NRG3: variants seen among roughly 807,000 people sequenced by gnomAD.
The protein encoded by NRG3 is neuregulin 3.
In NRG3, 31 loss-of-function variants were observed where a neutral mutation model predicts 66.9. That is an observed-to-expected ratio of 0.46 (90% CI 0.35 to 0.63). NRG3 has a LOEUF of 0.63. NRG3 is among the 20% of genes least tolerant of loss of function. NRG3 has a pLI of 0.00. For synonymous variants in NRG3, 393 were observed against 359.4 expected, an observed-to-expected ratio of 1.09 and a Z score of -1.06; for missense variants, 910 against 878.9, an observed-to-expected ratio of 1.04 and a Z score of -0.45.
intron 2 of NRG3, among the ~76,000 whole-genome samples, chr10:82,652,098 T>C (rs1191962094): frequency 2.6e-5 from 4 of 152,158 alleles, no homozygotes; most frequent in Non-Finnish European, 5.9e-5. Flanking sequence ...GATCTGCCCC[T>C]GGTGGGAGGA....
At chr10:82,748,074 C>T (rs1273184315) in intron 3 of NRG3, among the ~76,000 whole-genome samples, 1 of 150,994 alleles carries the variant, frequency 6.6e-6, no homozygotes, top group Non-Finnish European at 1.5e-5. Flanking sequence ...TATAATTACA[C>T]ATATTTGGTG....
chr10:82,157,120 T>C (rs1392362341), intron 1 of NRG3, among the ~76,000 whole-genome samples: 1 of 151,680 alleles, frequency 6.6e-6, no homozygotes, highest in Non-Finnish European at 1.5e-5. Context: ...TTAAGCATTG[T>C]TAAATCCATT....
intron 1 of NRG3, among the ~76,000 whole-genome samples, chr10:82,196,381 C>A (rs1323270962): frequency 6.6e-6 from 1 of 152,086 alleles, no homozygotes; most frequent in Admixed American, 6.5e-5. Flanking sequence ...TATAAATTTC[C>A]TTGTAAGATC....
At chr10:82,440,252 T>A (rs1459211424) in intron 2 of NRG3, among the ~76,000 whole-genome samples, 1 of 151,978 alleles carries the variant, frequency 6.6e-6, no homozygotes, top group Non-Finnish European at 1.5e-5. Flanking sequence ...TTTGAAATTT[T>A]TGTAAATATC....
intron 2 of NRG3, among the ~76,000 whole-genome samples, chr10:82,700,332 C>G (rs1322954112): frequency 6.6e-6 from 1 of 152,120 alleles, no homozygotes; most frequent in Non-Finnish European, 1.5e-5. Flanking sequence ...TGGAAAGCAC[C>G]TATACCAAAC....
In NRG3 at chr10:82,392,004, A is replaced by C. The variant is rs532974600; in HGVS notation, c.953+33136A>C. 8.7e-5 allele frequency among the ~76,000 whole-genome samples: 13 copies of C among 148,954 alleles called. No homozygotes were observed. The South Asian group carries it at 1.0e-3, about 12-fold the overall frequency. Reference sequence around the variant, plus strand: ...CTTTCGAGCACATGCAAAAAAAAAAAAAAAAACAAAAAAAAAACCCACGAA... The same window carrying C: ...CTTTCGAGCACATGCAAAAAAAAAACAAAAAACAAAAAAAAAACCCACGAA... On this transcript the variant is annotated intron_variant, in intron 2 of 8. Coordinates refer to ENST00000372141, the MANE Select transcript of NRG3 (RefSeq NM_001010848.4).
chr10:82,863,205 A>AATT (rs1317329074), intron 3 of NRG3, among the ~76,000 whole-genome samples: 157 of 152,074 alleles, frequency 1.0e-3, no homozygotes, highest in African/African-American at 3.6e-3. Flanking sequence ...CTTTTTTATG[A>AATT]CTGCATAGTA....
intron 1 of NRG3, among the ~76,000 whole-genome samples, chr10:82,126,859 G>T (rs1013435208): frequency 6.6e-6 from 1 of 152,048 alleles, no homozygotes; most frequent in African/African-American, 2.4e-5. Flanking sequence ...GGCCTATTTT[G>T]CTGGTTCATA....
At chr10:82,855,514 C>G (rs539707042) in intron 3 of NRG3, among the ~76,000 whole-genome samples, 1 of 152,232 alleles carries the variant, frequency 6.6e-6, no homozygotes, top group Non-Finnish European at 1.5e-5. Context: ...CCTCCCACCT[C>G]AGCCTTCCTG....
intron 2 of NRG3, among the ~76,000 whole-genome samples, chr10:82,568,117 A>G (rs748096570): frequency 2.6e-5 from 4 of 151,948 alleles, no homozygotes; most frequent in Non-Finnish European, 5.9e-5. Context: ...CAAATGAACT[A>G]GAACGGATGC....
intron 1 of NRG3, among the ~76,000 whole-genome samples, chr10:82,295,824 T>C (rs1482128604): frequency 6.6e-6 from 1 of 152,150 alleles, no homozygotes; most frequent in African/African-American, 2.4e-5. Context: ...TCTGAATTTA[T>C]TTACTAATTC....
At chr10:82,861,504 G>C (rs17100951) in intron 3 of NRG3, among the ~76,000 whole-genome samples, 22,448 of 152,052 alleles carry the variant, frequency 0.15, 1,682 homozygotes, top group Middle Eastern at 0.22. Flanking sequence ...AACATATTGA[G>C]GTTTCAAAAC....
intron 1 of NRG3, among the ~76,000 whole-genome samples, chr10:82,006,268 T>A (rs1248602801): frequency 2.0e-5 from 3 of 152,152 alleles, no homozygotes; most frequent in Non-Finnish European, 4.4e-5. Flanking sequence ...TTATGTCAAC[T>A]GTCTATTCAT....
intron 2 of NRG3, among the ~76,000 whole-genome samples, chr10:82,432,613 T>A (rs2089895219): frequency 6.6e-6 from 1 of 151,928 alleles, no homozygotes; most frequent in Non-Finnish European, 1.5e-5. Flanking sequence ...TTCCCTCCTG[T>A]CATCCCACAC....
At chr10:82,222,897 T>G (rs1483696903) in intron 1 of NRG3, among the ~76,000 whole-genome samples, 1 of 152,208 alleles carries the variant, frequency 6.6e-6, no homozygotes, top group African/African-American at 2.4e-5. Context: ...GGCTTTATTT[T>G]CCTGTCCTGT....
chr10:82,740,556 G>A (rs2058372605), intron 3 of NRG3, among the ~76,000 whole-genome samples: 1 of 152,066 alleles, frequency 6.6e-6, no homozygotes, highest in South Asian at 2.1e-4. Flanking sequence ...GTGTGAGCCA[G>A]GCACGGTGGT....
chr10:82,646,016 A>T (rs2050903930), intron 2 of NRG3, among the ~76,000 whole-genome samples: 1 of 152,156 alleles, frequency 6.6e-6, no homozygotes, highest in African/African-American at 2.4e-5. Flanking sequence ...GGAAAAAGGC[A>T]GGGAGAATAT....
At chr10:82,693,873 T>C (rs775882188) in intron 2 of NRG3, among the ~76,000 whole-genome samples, 1 of 152,220 alleles carries the variant, frequency 6.6e-6, no homozygotes, top group Non-Finnish European at 1.5e-5. Flanking sequence ...GCTCCCTCAG[T>C]GTGGAAGGAG....
chr10:82,382,845 A>C (rs2085710247), intron 2 of NRG3, among the ~76,000 whole-genome samples: 1 of 151,994 alleles, frequency 6.6e-6, no homozygotes, highest in Non-Finnish European at 1.5e-5. Context: ...TAAGCTATTC[A>C]TATGGTGTAT....
Sources: gnomAD v4.1 joint callset for allele counts (sites outside exome capture counted in the v4.1 genomes callset) on GRCh38, gnomAD v4.1.1 for gene constraint, MANE v1.5 for transcripts, NCBI Gene and HGNC (gene_info 2026-07-23, HGNC 2026-07-21) for gene names.